The following FOXN4 variants were observed in gnomAD, a reference collection of about 807,000 sequenced individuals.
FOXN4 encodes forkhead box N4, also known as forkhead box protein N4.
FOXN4 carries 12 observed loss-of-function variants against 45.0 expected under a neutral mutation model. That is an observed-to-expected ratio of 0.27 (90% CI 0.17 to 0.43). The LOEUF is 0.43. Ranked by LOEUF, FOXN4 falls within the 20% of genes least tolerant of loss-of-function variation. FOXN4 has a pLI of 1.00. For missense variants in FOXN4, 560 were observed against 694.9 expected (o/e 0.81, Z 2.18); for synonymous variants, 297 against 295.0 (o/e 1.01, Z -0.07).
intron 2 of FOXN4, among the ~76,000 whole-genome samples, chr12:109,303,666 G>A (rs1278345120): frequency 6.6e-6 from 1 of 152,200 alleles, no homozygotes; most frequent in Non-Finnish European, 1.5e-5. Context: ...GGCCCTGGGA[G>A]AAGGTGAGGG....
chr12:109,304,275 GAA>G (rs776180766), intron 2 of FOXN4, among the ~76,000 whole-genome samples: 106 of 72,336 alleles, frequency 1.5e-3, no homozygotes, highest in African/African-American at 5.2e-3. Flanking sequence ...AAGAAAGAAA[GAA>G]AGAAAGAAAG....
chr12:109,285,993 G>C (rs955297255), intron 7 of FOXN4, among the ~76,000 whole-genome samples: 5 of 151,494 alleles, frequency 3.3e-5, no homozygotes, highest in Admixed American at 1.3e-4. Flanking sequence ...AGCCCCCCAA[G>C]TAGCTGGGAC....
intron 2 of FOXN4, among the ~76,000 whole-genome samples, chr12:109,300,132 T>C (rs765235200): frequency 1.3e-5 from 2 of 152,202 alleles, no homozygotes; most frequent in Non-Finnish European, 2.9e-5. Context: ...GGTCCCATTA[T>C]AGTAAACATC....
chr12:109,304,231 GAAAGAAAGAA>G, intron 2 of FOXN4, among the ~76,000 whole-genome samples: 1 of 33,342 alleles, frequency 3.0e-5, no homozygotes, highest in South Asian at 9.3e-4. Context: ...GAGAAAGAAA[GAAAGAAAGAA>G]AGAAAGAAAG....
Position 109,285,413 on chromosome 12 carries a change from C to T in FOXN4, c.792G>A (p.Lys264=). ...VENKMSGSSR[K]GCLWALNLAR... ...CCAGGTTCAGAGCCCACAGGCAGCCCTTGCGGGAGGAGCCGCTCATCTTGT... is the reference window on the plus strand; with the variant it reads ...CCAGGTTCAGAGCCCACAGGCAGCCTTTGCGGGAGGAGCCGCTCATCTTGT... The change falls in exon 8 of 10, where the codon AAG becomes AAA. Residue 264 remains lysine (K), a synonymous_variant. Coordinates refer to ENST00000299162, the MANE Select transcript of FOXN4 (RefSeq NM_213596.3). The T allele has an allele frequency of 6.2e-7, 1 of 1,614,058 alleles. No homozygotes were observed. The highest frequency in any genetic ancestry group is 8.5e-7 in the Non-Finnish European group (1 of 1,179,908).
At chr12:109,298,780 G>C (rs1021467832) in intron 2 of FOXN4, among the ~76,000 whole-genome samples, 3 of 152,074 alleles carry the variant, frequency 2.0e-5, no homozygotes, top group African/African-American at 7.2e-5. Context: ...TCCTTCTCCA[G>C]ACCTCAATTT....
chr12:109,293,645 G>C (rs886365908), intron 2 of FOXN4, among the ~76,000 whole-genome samples: 3 of 152,176 alleles, frequency 2.0e-5, no homozygotes, highest in African/African-American at 7.2e-5. Context: ...GTACAGGCAC[G>C]CGCCACCACG....
At chr12:109,284,033 A>G (rs1212129226) in intron 8 of FOXN4, among the ~76,000 whole-genome samples, 1 of 152,242 alleles carries the variant, frequency 6.6e-6, no homozygotes, top group East Asian at 1.9e-4. Context: ...GGTGTTTGAT[A>G]TATTAGCTTT....
At chr12:109,305,383 T>TTAC (rs2047912185) in intron 2 of FOXN4, among the ~76,000 whole-genome samples, 1 of 82,298 alleles carries the variant, frequency 1.2e-5, no homozygotes, top group Non-Finnish European at 2.9e-5. Flanking sequence ...ATTATTGTTG[T>TTAC]TATTATTATT....
chr12:109,305,103 G>A (rs2047909665), intron 2 of FOXN4, among the ~76,000 whole-genome samples: 1 of 152,150 alleles, frequency 6.6e-6, no homozygotes, highest in African/African-American at 2.4e-5. Flanking sequence ...GGGACTTGGG[G>A]CCAGTGGTCA....
Position 109,287,402 on chromosome 12 carries a change from C to G in FOXN4, c.591G>C (p.Ser197=). The change falls in exon 6 of 10, where the codon TCG becomes TCC. Residue 197 remains serine (S), a synonymous_variant. Coordinates refer to ENST00000299162, the MANE Select transcript of FOXN4 (RefSeq NM_213596.3). This position sits in a 1 kb window ranked among gnomAD's most constrained non-coding sequence, Gnocchi z 4.1. ...CGGCCCACCCTGGACCTCACCTGTA[C>G]GAGTAGATGGGCTTGGGGTAGTGTT... ...HPKHYPKPIY[S]YSCLIAMALK... 7 of 1,551,464 alleles carry G rather than the reference C, an allele frequency of 4.5e-6. No homozygotes were observed. The highest frequency in any genetic ancestry group is 6.1e-6 in the Non-Finnish European group (7 of 1,146,856).
chr12:109,285,155 C>A, intron 8 of FOXN4, 149 bp downstream of exon 8: 1 of 914,334 alleles, frequency 1.1e-6, no homozygotes. Context: ...TGTGTGTGTG[C>A]GCATATTTGT....
chr12:109,289,292 T>C (rs749006384), intron 3 of FOXN4, among the ~76,000 whole-genome samples: 2 of 152,232 alleles, frequency 1.3e-5, no homozygotes, highest in Non-Finnish European at 2.9e-5. Context: ...CAGAGTTGCA[T>C]TGATTCATTT....
Position 109,291,976 on chromosome 12 carries a change from C to T in FOXN4, c.87-1690G>A, listed in dbSNP as rs993747629. Among the ~76,000 whole-genome samples, 1 of 152,156 alleles carries T rather than the reference C, an allele frequency of 6.6e-6. No homozygotes were observed. The highest frequency in any genetic ancestry group is 1.5e-5 in the Non-Finnish European group (1 of 68,024). ...CCGGCTGCCACCCCTCCGGCCTGCT[C>T]GTAACTCATCTGGCCAAGTGACAGC... is the stretch of plus-strand genomic sequence containing the variant. On this transcript the variant is annotated intron_variant, in intron 2 of 9. Coordinates refer to ENST00000299162, the MANE Select transcript of FOXN4 (RefSeq NM_213596.3). The surrounding 1 kb of genome is among the most constrained non-coding windows in gnomAD (Gnocchi z 6.6).
Position 109,279,565 on chromosome 12 carries a change from G to C in FOXN4, c.*106C>G, listed in dbSNP as rs1303015229. The C allele has an allele frequency of 2.7e-6, 4 of 1,489,194 alleles. No individual in the cohort carries two copies. The highest frequency in any genetic ancestry group is 5.0e-5 in the East Asian group (2 of 40,384). 92.2% of individuals were successfully genotyped at this position (1,489,194 alleles called of 1,614,324 possible). A position where few individuals can be genotyped will look rare whatever the true frequency, so the allele number is the denominator to read the frequency against. ...CGGCAACTTCGCCACAGGTCCAGGA[G>C]AGGCTTCGGGGACAATGAGGGACCT... is the stretch of plus-strand genomic sequence containing the variant. On this transcript the variant is annotated 3_prime_UTR_variant, in exon 10 of 10. Coordinates refer to ENST00000299162, the MANE Select transcript of FOXN4 (RefSeq NM_213596.3).
rs574079489 is a variant in FOXN4 at position 109,308,951 on chromosome 12, C to T, written c.-4+168G>A. ...AAGCCTGAACCAACATAAAAGCCCA[C>T]CAAAGCCTCAGTTCCGCCCCCAAAG... is the stretch of plus-strand genomic sequence containing the variant. On this transcript the variant is annotated intron_variant, in intron 1 of 9. Transcript: ENST00000299162. 5.9e-5 allele frequency among the ~76,000 whole-genome samples: 9 copies of T among 152,350 alleles called. No homozygotes were observed. In the East Asian group the frequency reaches 1.4e-3, roughly 23 times the overall value.
Position 109,288,074 on chromosome 12 carries a change from T to C in FOXN4, c.339A>G (p.Ile113Met). The change falls in exon 4 of 10, where the codon ATA (isoleucine) becomes ATG (methionine). Residue 113 changes from isoleucine to methionine, a missense_variant. Around this residue, in one of 5 missense-constraint regions of FOXN4, gnomAD observed 142 missense variants for 185.7 expected, o/e 0.76. Transcript: ENST00000299162. This position sits in a 1 kb window ranked among gnomAD's most constrained non-coding sequence, Gnocchi z 4.3. ...APRGMPGLGPITGHRDSMSQF... is the reference protein window; with the variant it reads ...APRGMPGLGPMTGHRDSMSQF... ...CACTTACGCTGTCTCTGTGGCCAGT[T>C]ATGGGGCCCAGACCTGGCATGCCTC... The C allele has an allele frequency of 1.3e-6, 2 of 1,549,034 alleles. No homozygotes were observed. The highest frequency in any genetic ancestry group is 1.7e-6 in the Non-Finnish European group (2 of 1,146,122).
At chr12:109,280,021 G>A (rs2047637563) in intron 9 of FOXN4, 91 bp from the exon 10 acceptor site, 19 of 1,532,542 alleles carry the variant, frequency 1.2e-5, no homozygotes, top group Middle Eastern at 1.7e-4. Context: ...CAGAGACCAT[G>A]TGTGGTGTCT....
chr12:109,278,116 T>C lies in FOXN4; in HGVS notation c.*1555A>G, dbSNP rs1232380160. The C allele has an allele frequency of 1.3e-5, 2 of 152,240 alleles. No homozygotes were observed. The highest frequency in any genetic ancestry group is 2.9e-5 in the Non-Finnish European group (2 of 68,048). 9.4% of individuals were successfully genotyped at this position (152,240 alleles called of 1,614,324 possible). A position where few individuals can be genotyped will look rare whatever the true frequency, so the allele number is the denominator to read the frequency against. ...CATGTTACACAAAGCAGATGAGCAGTGCAGGTCAGACGGGTAGCACTGGGA... is the reference window on the plus strand; with the variant it reads ...CATGTTACACAAAGCAGATGAGCAGCGCAGGTCAGACGGGTAGCACTGGGA... On this transcript the variant is annotated 3_prime_UTR_variant, in exon 10 of 10. Transcript: ENST00000299162.
Sources: allele counts gnomAD v4.1 joint callset (sites outside exome capture counted in the v4.1 genomes callset), GRCh38; gene constraint gnomAD v4.1.1; regional missense constraint gnomAD v4.1.1; non-coding constraint Gnocchi (gnomAD v3.1); transcripts MANE v1.5; gene names NCBI Gene and HGNC (gene_info 2026-07-23, HGNC 2026-07-21).